Variants in GRIP1 observed in about 807,000 individuals in gnomAD.
The protein encoded by GRIP1 is glutamate receptor interacting protein 1, also known as glutamate receptor-interacting protein 1.
Under a neutral mutation model 129.9 loss-of-function variants are expected in GRIP1, and 45 were observed. The ratio of observed to expected loss-of-function variants is 0.35; its 90% CI spans 0.27 to 0.44. GRIP1 has a LOEUF of 0.44. Ranked by LOEUF, GRIP1 falls within the 20% of genes least tolerant of loss-of-function variation. The pLI is 1.00. For missense variants in GRIP1, 1,196 were observed against 1,396.8 expected (o/e 0.86, Z 2.29); for synonymous variants, 530 against 520.8 (o/e 1.02, Z -0.24).
chr12:66,821,989 C>A (rs1009219234), intron 1 of GRIP1, among the ~76,000 whole-genome samples: 2 of 149,562 alleles, frequency 1.3e-5, no homozygotes, highest in African/African-American at 4.9e-5. Flanking sequence ...AGTGATGGAG[C>A]CACTTCCATC....
intron 1 of GRIP1, among the ~76,000 whole-genome samples, chr12:66,710,464 A>G (rs188046621): frequency 6.6e-6 from 1 of 152,058 alleles, no homozygotes; most frequent in Admixed American, 6.6e-5. Context: ...CTTATTCTTG[A>G]GGTAAGTTAA....
chr12:66,679,181 A>G (rs1411012050), upstream of GRIP1: 15 of 1,333,396 alleles, frequency 1.1e-5, no homozygotes, highest in African/African-American at 1.5e-5. Flanking sequence ...CGATAGCAAC[A>G]AAGCACCAAA....
At chr12:66,860,650 T>G (rs2040095526) in intron 1 of GRIP1, among the ~76,000 whole-genome samples, 1 of 152,000 alleles carries the variant, frequency 6.6e-6, no homozygotes. Flanking sequence ...TGGTGCAGAT[T>G]AGGCTCTCAA....
chr12:66,392,344 C>A lies in GRIP1; in HGVS notation c.2428G>T (p.Asp810Tyr), dbSNP rs776369902. 1 of 1,613,258 alleles carries A rather than the reference C, an allele frequency of 6.2e-7. No homozygotes were observed. Among genetic ancestry groups the A allele is most frequent in the East Asian group, 2.2e-5 (1 of 44,872 alleles). ...TAGCTGGTGTCTATTGCAGACCCAT[C>A]CCATGAATCCACAGCACTGTCCACA... is the stretch of plus-strand genomic sequence containing the variant. ...PSVDSAVDSWDGSAIDTSYGT... is the reference protein window; with the variant it reads ...PSVDSAVDSWYGSAIDTSYGT... The change falls in exon 19 of 25, where the codon GAT becomes TAT. Residue 810 changes from aspartate (D) to tyrosine (Y), a missense_variant. By Grantham distance (160) the Asp-to-Tyr change is radical. Around this residue, in one of 5 missense-constraint regions of GRIP1, gnomAD observed 427 missense variants for 463.3 expected, o/e 0.92. Transcript: ENST00000359742.
At chr12:66,973,553 T>G (rs970013613) in intron 1 of GRIP1, among the ~76,000 whole-genome samples, 1 of 152,108 alleles carries the variant, frequency 6.6e-6, no homozygotes, top group African/African-American at 2.4e-5. Context: ...GACCTATGTA[T>G]ATCAAAAAAT....
chr12:66,379,606 TGAGCCATCTTTCTTCTTTA>T (rs1218504413), intron 19 of GRIP1, among the ~76,000 whole-genome samples, 170 bp from the exon 20 acceptor site: 1 of 152,236 alleles, frequency 6.6e-6, no homozygotes, highest in Non-Finnish European at 1.5e-5. Flanking sequence ...TACTTCATTT[TGAGCCATCTTTCTTCTTTA>T]GAGCCATCTT....
At chr12:66,602,971 A>C (rs1592631603) in intron 1 of GRIP1, among the ~76,000 whole-genome samples, 1 of 137,902 alleles carries the variant, frequency 7.3e-6, no homozygotes, top group African/African-American at 2.7e-5. Flanking sequence ...TGCTCCTCCC[A>C]CCTCAGCCTC....
At chr12:66,919,683 T>C (rs1316771200) in intron 1 of GRIP1, among the ~76,000 whole-genome samples, 1 of 152,140 alleles carries the variant, frequency 6.6e-6, no homozygotes, top group Non-Finnish European at 1.5e-5. Context: ...CCCAGATAAT[T>C]ACCTCAATTA....
chr12:66,505,868 T>C (rs910131246), intron 7 of GRIP1, among the ~76,000 whole-genome samples: 2 of 152,108 alleles, frequency 1.3e-5, no homozygotes, highest in Non-Finnish European at 2.9e-5. Context: ...AATAGAATTA[T>C]CCAATAGAAA....
At chr12:66,715,471 T>TGTGTGTGTGTGTGTGTGTGA (rs761155485) in intron 1 of GRIP1, among the ~76,000 whole-genome samples, 23 of 110,134 alleles carry the variant, frequency 2.1e-4, no homozygotes, top group East Asian at 1.0e-3. Flanking sequence ...TGTGTGTGTG[T>TGTGTGTGTGTGTGTGTGTGA]GAGAGAGAGA....
At chr12:66,928,732 T>C (rs925894237) in intron 1 of GRIP1, among the ~76,000 whole-genome samples, 2 of 152,226 alleles carry the variant, frequency 1.3e-5, no homozygotes, top group Non-Finnish European at 2.9e-5. Flanking sequence ...TGAAATATCT[T>C]GGCATTTGAC....
intron 7 of GRIP1, among the ~76,000 whole-genome samples, chr12:66,502,981 C>T (rs1021837672): frequency 1.3e-5 from 2 of 152,116 alleles, no homozygotes; most frequent in Non-Finnish European, 2.9e-5. Flanking sequence ...GAGGGCTCTG[C>T]TCCCCACCTA....
At chr12:66,872,984 C>G (rs1347354096) in intron 1 of GRIP1, among the ~76,000 whole-genome samples, 1 of 152,036 alleles carries the variant, frequency 6.6e-6, no homozygotes, top group Non-Finnish European at 1.5e-5. Flanking sequence ...AATTATCTGG[C>G]AATGCTTCTC....
intron 1 of GRIP1, among the ~76,000 whole-genome samples, chr12:66,975,916 T>C (rs946998903): frequency 1.3e-5 from 2 of 152,222 alleles, no homozygotes; most frequent in African/African-American, 2.4e-5. Context: ...GTTTGCCTCA[T>C]AGAGATGGAT....
At chr12:66,415,708 G>GAT (rs1444923752) in intron 15 of GRIP1, among the ~76,000 whole-genome samples, 1 of 152,058 alleles carries the variant, frequency 6.6e-6, no homozygotes, top group Non-Finnish European at 1.5e-5. Flanking sequence ...AAGAAAATGT[G>GAT]ATATATATAC....
At chr12:66,920,334 C>T (rs2041192438) in intron 1 of GRIP1, among the ~76,000 whole-genome samples, 1 of 152,114 alleles carries the variant, frequency 6.6e-6, no homozygotes, top group South Asian at 2.1e-4. Context: ...TCTCCTGGCC[C>T]ACTGGTATAA....
intron 2 of GRIP1, among the ~76,000 whole-genome samples, chr12:66,585,259 C>A (rs7301683): frequency 4.5e-5 from 5 of 110,686 alleles, no homozygotes; most frequent in Non-Finnish European, 7.4e-5. Context: ...CCCCTCCCCC[C>A]ACCCCACCAC....
chr12:66,538,090 G>T (rs1565840361), intron 4 of GRIP1, among the ~76,000 whole-genome samples: 1 of 151,954 alleles, frequency 6.6e-6, no homozygotes, highest in Non-Finnish European at 1.5e-5. Context: ...ATCTCACATT[G>T]TCTGCTCTAT....
chr12:66,564,417 G>T (rs896952113), intron 2 of GRIP1, among the ~76,000 whole-genome samples: 3 of 151,750 alleles, frequency 2.0e-5, no homozygotes, highest in Non-Finnish European at 4.4e-5. Flanking sequence ...CAGAATGATG[G>T]TTTCCAGCTT....
Sources: allele counts gnomAD v4.1 joint callset (sites outside exome capture counted in the v4.1 genomes callset), GRCh38; gene constraint gnomAD v4.1.1; regional missense constraint gnomAD v4.1.1; transcripts MANE v1.5; gene names NCBI Gene and HGNC (gene_info 2026-07-23, HGNC 2026-07-21).